Variants in C1QTNF3 observed in about 807,000 individuals in gnomAD.
C1QTNF3 encodes complement C1q tumor necrosis factor-related protein 3.
In C1QTNF3, 26 loss-of-function variants were observed where a neutral mutation model predicts 32.6. That is an observed-to-expected ratio of 0.80 (90% CI 0.58 to 1.11). The LOEUF (loss-of-function observed/expected upper bound fraction) is 1.11. C1QTNF3 is among the 50% of genes least tolerant of loss of function. The pLI, the probability that C1QTNF3 is intolerant of heterozygous loss-of-function variation, is 0.00. For synonymous variants in C1QTNF3, 155 were observed against 146.0 expected, an observed-to-expected ratio of 1.06 and a Z score of -0.44; for missense variants, 362 against 398.2, an observed-to-expected ratio of 0.91 and a Z score of 0.77.
At chr5:34,153,719 G>C in the C1QTNF3 span, among the ~76,000 whole-genome samples, 2 of 98,730 alleles carry the variant, frequency 2.0e-5, no homozygotes, top group African/African-American at 7.9e-5. Flanking sequence ...GGTCGGGGGA[G>C]GGGGGAGGGA....
the C1QTNF3 span, among the ~76,000 whole-genome samples, chr5:34,061,337 G>A: frequency 5.9e-5 from 9 of 152,278 alleles, no homozygotes; most frequent in African/African-American, 2.2e-4. Flanking sequence ...GGTGCATGGT[G>A]CAAGCTGTCA....
At chr5:34,054,685 T>A in the C1QTNF3 span, among the ~76,000 whole-genome samples, 24 of 152,188 alleles carry the variant, frequency 1.6e-4, no homozygotes, top group Non-Finnish European at 2.6e-4. Flanking sequence ...AGAAAAACTA[T>A]CAGCACATGG....
At chr5:34,072,563 C>T in the C1QTNF3 span, among the ~76,000 whole-genome samples, 2 of 152,142 alleles carry the variant, frequency 1.3e-5, no homozygotes, top group Non-Finnish European at 1.5e-5. Context: ...ATTCACCAGA[C>T]ATATGCTGAG....
At chr5:34,223,179 C>T in the C1QTNF3 span, among the ~76,000 whole-genome samples, 1 of 117,162 alleles carries the variant, frequency 8.5e-6, no homozygotes, top group Non-Finnish European at 1.7e-5. Flanking sequence ...CTCCCCCCAC[C>T]CCATAACAGT....
the C1QTNF3 span, among the ~76,000 whole-genome samples, chr5:34,134,421 T>C: frequency 1.3e-5 from 2 of 151,988 alleles, no homozygotes; most frequent in Non-Finnish European, 2.9e-5. Context: ...GAGGAGAAGA[T>C]TGTGCTGATT....
chr5:34,118,716 T>C, the C1QTNF3 span, among the ~76,000 whole-genome samples: 2 of 152,146 alleles, frequency 1.3e-5, no homozygotes, highest in African/African-American at 4.8e-5. Context: ...AGATTTTCTC[T>C]CTCTCTTTGG....
intron 1 of C1QTNF3, among the ~76,000 whole-genome samples, chr5:34,036,755 C>A (rs552268065): frequency 6.6e-6 from 1 of 152,162 alleles, no homozygotes; most frequent in South Asian, 2.1e-4. Context: ...AGTTGGAGAC[C>A]AGCCTGGCCA....
At chr5:34,242,571 T>C in the C1QTNF3 span, among the ~76,000 whole-genome samples, 1 of 151,828 alleles carries the variant, frequency 6.6e-6, no homozygotes, top group Non-Finnish European at 1.5e-5. Context: ...AAACAAAACC[T>C]AGGAAATATT....
the C1QTNF3 span, among the ~76,000 whole-genome samples, chr5:34,048,467 A>G: frequency 5.3e-5 from 8 of 152,284 alleles, no homozygotes; most frequent in East Asian, 1.4e-3. Context: ...ACCATCTTGT[A>G]AGGTTGAGGG....
At chr5:34,166,840 G>A in the C1QTNF3 span, 1 of 151,786 alleles carries the variant, frequency 6.6e-6, no homozygotes, top group Non-Finnish European at 1.5e-5. Context: ...GGGTTGTAAG[G>A]ATTGAAAACA....
chr5:34,052,107 C>T, the C1QTNF3 span, among the ~76,000 whole-genome samples: 4 of 152,126 alleles, frequency 2.6e-5, no homozygotes, highest in African/African-American at 9.7e-5. Flanking sequence ...CACAGCATTC[C>T]AGCCTGTGTG....
In C1QTNF3 at chr5:34,035,767, A is replaced by T; in HGVS notation, c.304-9T>A. 2 of 1,600,552 alleles carry T rather than the reference A, an allele frequency of 1.2e-6. No individual in the cohort carries two copies. The highest frequency in any genetic ancestry group is 1.7e-6 in the Non-Finnish European group (2 of 1,169,788). On this transcript the variant is annotated splice_polypyrimidine_tract_variant and intron_variant, in intron 1 of 5. Transcript: ENST00000382065. ...CCTCCGGTTTGTGGAGACTAAAAAGACAGAAAGAGAAGCTTCAGAAAAAAA... is the reference window on the plus strand; with the variant it reads ...CCTCCGGTTTGTGGAGACTAAAAAGTCAGAAAGAGAAGCTTCAGAAAAAAA...
chr5:34,202,043 A>G, the C1QTNF3 span, among the ~76,000 whole-genome samples: 1,853 of 152,308 alleles, frequency 0.012, 42 homozygotes, highest in African/African-American at 0.043. Flanking sequence ...ACTTGCCAGA[A>G]TCAACAATAG....
chr5:34,210,423 T>C, the C1QTNF3 span, among the ~76,000 whole-genome samples: 1 of 152,046 alleles, frequency 6.6e-6, no homozygotes, highest in Non-Finnish European at 1.5e-5. Flanking sequence ...TCTCATTCTC[T>C]TTGACACATT....
chr5:34,064,372 A>T, the C1QTNF3 span, among the ~76,000 whole-genome samples: 1 of 152,174 alleles, frequency 6.6e-6, no homozygotes, highest in Non-Finnish European at 1.5e-5. Context: ...GCTGCTCCCA[A>T]GATGGCCTTT....
At chr5:34,143,566 C>A in the C1QTNF3 span, among the ~76,000 whole-genome samples, 1 of 152,062 alleles carries the variant, frequency 6.6e-6, no homozygotes, top group African/African-American at 2.4e-5. Context: ...CAGACAGAAC[C>A]CCATCAGGCT....
At chr5:34,215,504 C>A in the C1QTNF3 span, among the ~76,000 whole-genome samples, 1 of 152,206 alleles carries the variant, frequency 6.6e-6, no homozygotes, top group Non-Finnish European at 1.5e-5. Context: ...TTAACCCACA[C>A]TGCTGCTGCT....
chr5:34,229,922 A>G, the C1QTNF3 span, among the ~76,000 whole-genome samples: 1 of 152,110 alleles, frequency 6.6e-6, no homozygotes, highest in African/African-American at 2.4e-5. Flanking sequence ...AGGTGGAGAT[A>G]CTAGACCACC....
chr5:34,042,722 T>C (rs1754901476), intron 1 of C1QTNF3, 101 bp downstream of exon 1: 3 of 1,213,296 alleles, frequency 2.5e-6, no homozygotes, highest in Admixed American at 2.3e-5. Context: ...AAAGCATTCA[T>C]TGATTCTAAG....
Sources: gnomAD v4.1 joint callset for allele counts (sites outside exome capture counted in the v4.1 genomes callset) on GRCh38, gnomAD v4.1.1 for gene constraint, MANE v1.5 for transcripts, NCBI Gene and HGNC (gene_info 2026-07-23, HGNC 2026-07-21) for gene names.